The following DNM2 variants were observed in gnomAD, a reference collection of about 807,000 sequenced individuals.
DNM2 encodes dynamin 2, also known as dynamin-2.
DNM2 carries 15 observed loss-of-function variants against 99.0 expected under a neutral mutation model. That is an observed-to-expected ratio of 0.15 (90% confidence interval 0.10 to 0.23). The LOEUF is 0.23. DNM2 is among the 10% of genes least tolerant of loss of function. The pLI, the probability that DNM2 is intolerant of heterozygous loss-of-function variation, is 1.00. For synonymous variants in DNM2, 525 were observed against 481.2 expected (o/e 1.09, Z -1.19); for missense variants, 742 against 1,189.4 (o/e 0.62, Z 5.53).
At chr19:10,761,282 C>T (rs1026203829) in intron 2 of DNM2, among the ~76,000 whole-genome samples, 2 of 152,082 alleles carry the variant, frequency 1.3e-5, no homozygotes, top group African/African-American at 2.4e-5. Context: ...CCACCGCGCC[C>T]GGCCACCATT....
intron 12 of DNM2, among the ~76,000 whole-genome samples, chr19:10,803,991 G>C (rs562558943): frequency 1.4e-3 from 206 of 152,316 alleles, no homozygotes; most frequent in African/African-American, 4.2e-3. Flanking sequence ...TCTTCCTGAA[G>C]AAGTCAGGTG....
chr19:10,733,273 C>G (rs996412719), intron 1 of DNM2, among the ~76,000 whole-genome samples: 1 of 149,836 alleles, frequency 6.7e-6, no homozygotes, highest in Non-Finnish European at 1.5e-5. Flanking sequence ...CTTACTGCAA[C>G]CTCCCCCTCT....
chr19:10,742,900 CTTGT>C (rs1424907187), intron 1 of DNM2, among the ~76,000 whole-genome samples: 1 of 150,568 alleles, frequency 6.6e-6, no homozygotes, highest in Non-Finnish European at 1.5e-5. Flanking sequence ...GAGATGCTAG[CTTGT>C]TTTTCTTTCT....
chr19:10,769,541 T>C (rs1177021359), intron 2 of DNM2: 1 of 152,312 alleles, frequency 6.6e-6, no homozygotes, highest in East Asian at 1.9e-4. Flanking sequence ...TTCCACGCCA[T>C]GTCCCCCTGC....
chr19:10,807,801 G>A (rs1031243812), intron 13 of DNM2, among the ~76,000 whole-genome samples: 2 of 149,538 alleles, frequency 1.3e-5, no homozygotes, highest in Non-Finnish European at 3.0e-5. Context: ...CACCCGCCTC[G>A]CCCGGACAAA....
At chr19:10,758,347 TTCCC>T (rs1343364862) in intron 1 of DNM2, among the ~76,000 whole-genome samples, 4 of 119,436 alleles carry the variant, frequency 3.3e-5, no homozygotes, top group Admixed American at 8.6e-5. Flanking sequence ...CCCTCCTTCC[TTCCC>T]TCCCTCCTTC....
In DNM2 at chr19:10,831,733, CG is replaced by C. The variant is rs753331843; in HGVS notation, c.*692del. ...GCTTGGGCTATGTGGGTGGTGGTGG[CG>C]GGGGGTCTTGGGGGCCTCTCAGCTC... On this transcript the variant is annotated 3_prime_UTR_variant, in exon 21 of 21. Coordinates refer to ENST00000389253, the MANE Select transcript of DNM2 (RefSeq NM_001005361.3). The surrounding 1 kb of genome is among the most constrained non-coding windows in gnomAD (Gnocchi z 4.3). 1.0e-6 allele frequency: 1 copy of C among 986,310 alleles called. No individual in the cohort carries two copies. Among genetic ancestry groups the C allele is most frequent in the Non-Finnish European group, 1.2e-6 (1 of 830,414 alleles). The allele number at this position is 986,310 out of a possible 1,614,324, so 61.1% of individuals were successfully genotyped here.
Position 10,764,825 on chromosome 19 carries a change from G to A in DNM2, c.235+5014G>A, listed in dbSNP as rs1195275843. Among the ~76,000 whole-genome samples, 1 of 152,122 alleles carries A rather than the reference G, an allele frequency of 6.6e-6. No homozygotes were observed. Among genetic ancestry groups the A allele is most frequent in the Non-Finnish European group, 1.5e-5 (1 of 68,018 alleles). ...CTGGTTCCCACTGCTTGGCCTCTGTGCTCACTGTGCTGCCTGCCTGGAACG... is the reference window on the plus strand; with the variant it reads ...CTGGTTCCCACTGCTTGGCCTCTGTACTCACTGTGCTGCCTGCCTGGAACG... On this transcript the variant is annotated intron_variant, in intron 2 of 20. Transcript: ENST00000389253. The surrounding 1 kb of genome is among the most constrained non-coding windows in gnomAD (Gnocchi z 4.1).
chr19:10,757,053 C>T (rs1017892133), intron 1 of DNM2, among the ~76,000 whole-genome samples: 5 of 152,174 alleles, frequency 3.3e-5, no homozygotes, highest in South Asian at 2.1e-4. Flanking sequence ...TGGCATTGCT[C>T]TAACAGTGAT....
At chr19:10,722,692 C>T (rs2068978542) in intron 1 of DNM2, among the ~76,000 whole-genome samples, 1 of 151,958 alleles carries the variant, frequency 6.6e-6, no homozygotes, top group Non-Finnish European at 1.5e-5. Flanking sequence ...GTGGCACCAT[C>T]TCTGCTCACT....
chr19:10,822,803 C>CT (rs1281378360), intron 16 of DNM2, among the ~76,000 whole-genome samples: 2 of 142,678 alleles, frequency 1.4e-5, no homozygotes, highest in East Asian at 2.5e-4. Context: ...CCAGCCAAAA[C>CT]TTTTTTTATA....
intron 1 of DNM2, chr19:10,718,663 C>A (rs1480942664): frequency 2.8e-6 from 1 of 351,998 alleles, no homozygotes; most frequent in Non-Finnish European, 4.8e-6. Flanking sequence ...TGGAACCCTG[C>A]GGTCCATCTG....
At position 10,829,135 on chromosome 19, in the gene DNM2, G is replaced by A. The variant is rs1253996634; in HGVS notation, c.2158G>A (p.Asp720Asn). The A allele has an allele frequency of 2.5e-6, 4 of 1,613,804 alleles. No homozygotes were observed. Among genetic ancestry groups the A allele is most frequent in the African/African-American group, 1.3e-5 (1 of 74,938 alleles). The change falls in exon 19 of 21, where the codon GAC becomes AAC. Residue 720 changes from aspartate to asparagine, a missense_variant. Asp to Asn is a conservative substitution (Grantham distance 23). This residue lies in a region of DNM2 where 240 missense variants were observed against 431.3 expected (regional missense o/e 0.56). Transcript: ENST00000389253. ...EESADQAQRR[D>N]DMLRMYHALK... ...GTCGGCTGACCAGGCACAGCGGCGG[G>A]ACGACATGCTGCGCATGTACCATGC...
intron 13 of DNM2, among the ~76,000 whole-genome samples, chr19:10,807,795 C>T (rs1000649484): frequency 2.0e-5 from 3 of 150,958 alleles, no homozygotes; most frequent in Non-Finnish European, 4.4e-5. Context: ...GTGATCCACC[C>T]GCCTCGCCCG....
rs2071924159 is a variant in DNM2, at chr19:10,796,132, C to T, written c.1196+693C>T. The stretch of plus-strand genomic sequence containing the variant: ...AAGCAGGTCGTCAAGCTGAAAGAGC[C>T]CTGTCTGAAATGTGTCGACCTGGTT... On this transcript the variant is annotated intron_variant, in intron 9 of 20. Transcript: ENST00000389253. The surrounding 1 kb of genome is among the most constrained non-coding windows in gnomAD (Gnocchi z 5.6). 6.2e-7 allele frequency: 1 copy of T among 1,614,028 alleles called. No homozygotes were observed. The highest frequency in any genetic ancestry group is 1.7e-5 in the Admixed American group (1 of 60,000).
intron 13 of DNM2, among the ~76,000 whole-genome samples, chr19:10,806,918 C>T (rs1191665813): frequency 6.6e-6 from 1 of 152,158 alleles, no homozygotes; most frequent in Non-Finnish European, 1.5e-5. Flanking sequence ...CTGGAAACTA[C>T]ATTGTCACTA....
chr19:10,767,534 A>G (rs759099280), intron 2 of DNM2, among the ~76,000 whole-genome samples: 7 of 152,196 alleles, frequency 4.6e-5, no homozygotes, highest in African/African-American at 1.7e-4. Flanking sequence ...CTGGCCTCCA[A>G]TGATTCTCCC....
In DNM2 at chr19:10,816,883, G is replaced by C. The variant is rs2072761120; in HGVS notation, c.1672-3097G>C. On this transcript the variant is annotated intron_variant, in intron 15 of 20. Transcript: ENST00000389253. The surrounding 1 kb of genome is among the most constrained non-coding windows in gnomAD (Gnocchi z 4.6). ...TGTTTTTCTCATCTGAGAGTTGAAA[G>C]CCAGAGCCCCCGACCCTCCCGTGGA... Among the ~76,000 whole-genome samples the C allele has an allele frequency of 6.6e-6, 1 of 152,210 alleles. No homozygotes were observed. Among genetic ancestry groups the C allele is most frequent in the African/African-American group, 2.4e-5 (1 of 41,458 alleles).
At chr19:10,752,131 C>T (rs2070218788) in intron 1 of DNM2, among the ~76,000 whole-genome samples, 1 of 152,166 alleles carries the variant, frequency 6.6e-6, no homozygotes, top group Non-Finnish European at 1.5e-5. Flanking sequence ...AGTTAGTCTT[C>T]TTTGTAAATA....
Sources: allele counts gnomAD v4.1 joint callset (sites outside exome capture counted in the v4.1 genomes callset), GRCh38; gene constraint gnomAD v4.1.1; regional missense constraint gnomAD v4.1.1; non-coding constraint Gnocchi (gnomAD v3.1); transcripts MANE v1.5; gene names NCBI Gene and HGNC (gene_info 2026-07-23, HGNC 2026-07-21).